The following PLEKHG1 variants were observed in gnomAD, a reference collection of about 807,000 sequenced individuals.
The protein encoded by PLEKHG1 is pleckstrin homology domain-containing family G member 1.
PLEKHG1 carries 44 observed loss-of-function variants against 100.8 expected under a neutral mutation model. That is an observed-to-expected ratio of 0.44 (90% CI 0.34 to 0.56). The LOEUF is 0.56. Among genes scored for constraint, PLEKHG1 ranks in the 20% least tolerant of loss-of-function variants. PLEKHG1 has a pLI of 0.01. For synonymous variants in PLEKHG1, 640 were observed against 662.5 expected (o/e 0.97, Z 0.52); for missense variants, 1,545 against 1,720.9 (o/e 0.90, Z 1.81).
At chr6:150,812,916 A>G (rs1190575479) in intron 10 of PLEKHG1, among the ~76,000 whole-genome samples, 1 of 152,152 alleles carries the variant, frequency 6.6e-6, no homozygotes, top group Non-Finnish European at 1.5e-5. Flanking sequence ...GGGGGAAGAC[A>G]AAGGGTTCGA....
intron 3 of PLEKHG1, among the ~76,000 whole-genome samples, chr6:150,770,132 G>A (rs1030103045): frequency 1.3e-5 from 2 of 152,128 alleles, no homozygotes; most frequent in African/African-American, 4.8e-5. Flanking sequence ...ATAAGCCTAC[G>A]ATGCTCTTGA....
At chr6:150,615,405 C>CTGTG (rs1263134957) in intron 1 of PLEKHG1, among the ~76,000 whole-genome samples, 1 of 152,192 alleles carries the variant, frequency 6.6e-6, no homozygotes, top group Non-Finnish European at 1.5e-5. Context: ...TCTGATATGT[C>CTGTG]TGTGGCCCTA....
At chr6:150,810,394 G>A (rs571585433) in intron 10 of PLEKHG1, among the ~76,000 whole-genome samples, 1 of 151,238 alleles carries the variant, frequency 6.6e-6, no homozygotes, top group East Asian at 2.0e-4. Flanking sequence ...GAGTAGCTGG[G>A]ACTACAGGTG....
At chr6:150,762,698 G>A (rs927250440) in intron 2 of PLEKHG1, among the ~76,000 whole-genome samples, 1 of 152,030 alleles carries the variant, frequency 6.6e-6, no homozygotes, top group African/African-American at 2.4e-5. Context: ...TGCAGTGGCC[G>A]GAGACCACCA....
intron 1 of PLEKHG1, among the ~76,000 whole-genome samples, chr6:150,725,452 C>T (rs6557090): frequency 0.2 from 30,895 of 152,098 alleles, 4,619 homozygotes; most frequent in African/African-American, 0.42. Flanking sequence ...TGTTCCTCTT[C>T]GTTCAACCCC....
At chr6:150,637,165 T>C (rs978660856) in intron 1 of PLEKHG1, among the ~76,000 whole-genome samples, 3 of 152,200 alleles carry the variant, frequency 2.0e-5, no homozygotes, top group African/African-American at 4.8e-5. Context: ...GTTTTTTGTT[T>C]TGTCTCTGAG....
At chr6:150,622,131 C>T (rs1777325516) in intron 1 of PLEKHG1, among the ~76,000 whole-genome samples, 1 of 152,026 alleles carries the variant, frequency 6.6e-6, no homozygotes, top group Non-Finnish European at 1.5e-5. Context: ...CGGAAGGGAG[C>T]AGAGAGCTGA....
intron 3 of PLEKHG1, among the ~76,000 whole-genome samples, chr6:150,661,730 T>TA (rs1175676155): frequency 1.3e-5 from 2 of 152,348 alleles, no homozygotes; most frequent in African/African-American, 4.8e-5. Context: ...GAGATACGCC[T>TA]ATTAGCTGTG....
At chr6:150,783,180 A>C (rs982644046) in intron 3 of PLEKHG1, among the ~76,000 whole-genome samples, 2 of 151,332 alleles carry the variant, frequency 1.3e-5, no homozygotes, top group African/African-American at 4.8e-5. Flanking sequence ...AAAAAAAAAA[A>C]AAAAAAGGGA....
intron 3 of PLEKHG1, among the ~76,000 whole-genome samples, chr6:150,703,017 A>G (rs1780861532): frequency 6.6e-6 from 1 of 152,178 alleles, no homozygotes; most frequent in African/African-American, 2.4e-5. Flanking sequence ...AAACCTCAGC[A>G]AGGCCTGTGT....
intron 3 of PLEKHG1, among the ~76,000 whole-genome samples, chr6:150,771,139 A>G (rs1040785249): frequency 6.6e-6 from 1 of 152,138 alleles, no homozygotes; most frequent in Non-Finnish European, 1.5e-5. Context: ...GAGGGTGGGC[A>G]TGGTAGCTTA....
intron 1 of PLEKHG1, among the ~76,000 whole-genome samples, chr6:150,721,939 C>T (rs1253464224): frequency 6.6e-6 from 1 of 152,178 alleles, no homozygotes; most frequent in Middle Eastern, 3.4e-3. Context: ...AGATATCTGA[C>T]ACCAATTGAC....
intron 3 of PLEKHG1, among the ~76,000 whole-genome samples, chr6:150,670,897 T>C (rs1779560350): frequency 7.0e-6 from 1 of 143,838 alleles, no homozygotes; most frequent in Non-Finnish European, 1.5e-5. Flanking sequence ...TTCCCCCAAG[T>C]CTCCAAAGTC....
chr6:150,780,541 G>A (rs1392153146), intron 3 of PLEKHG1, among the ~76,000 whole-genome samples: 1 of 151,870 alleles, frequency 6.6e-6, no homozygotes, highest in Non-Finnish European at 1.5e-5. Flanking sequence ...GCTCTCACAG[G>A]TGTAGCATTT....
chr6:150,746,396 T>C (rs1047524841), intron 2 of PLEKHG1, among the ~76,000 whole-genome samples: 10 of 152,218 alleles, frequency 6.6e-5, no homozygotes, highest in African/African-American at 2.4e-4. Flanking sequence ...TCACCGCTTC[T>C]TCCTCCCCTT....
intron 2 of PLEKHG1, among the ~76,000 whole-genome samples, chr6:150,764,971 T>C (rs1431620365): frequency 6.6e-6 from 1 of 152,018 alleles, no homozygotes; most frequent in Non-Finnish European, 1.5e-5. Flanking sequence ...ATTCTTATCC[T>C]GTAAAACAGC....
chr6:150,636,618 T>C (rs1420877330), intron 1 of PLEKHG1, among the ~76,000 whole-genome samples: 1 of 152,192 alleles, frequency 6.6e-6, no homozygotes, highest in Non-Finnish European at 1.5e-5. Context: ...ACCCTTGCTT[T>C]CATATCAGAG....
intron 2 of PLEKHG1, among the ~76,000 whole-genome samples, chr6:150,744,464 A>C (rs1583042975): frequency 6.6e-6 from 1 of 152,238 alleles, no homozygotes; most frequent in Non-Finnish European, 1.5e-5. Context: ...CAGTTAAAAA[A>C]AACAAATTAT....
chr6:150,799,003 A>C (rs1028653537), intron 5 of PLEKHG1, among the ~76,000 whole-genome samples: 6 of 152,064 alleles, frequency 3.9e-5, no homozygotes, highest in Admixed American at 3.9e-4. Flanking sequence ...GGCCTTCCAA[A>C]GTGCTGGGAT....
Sources: gnomAD v4.1 joint callset for allele counts (sites outside exome capture counted in the v4.1 genomes callset) on GRCh38, gnomAD v4.1.1 for gene constraint, MANE v1.5 for transcripts, NCBI Gene and HGNC (gene_info 2026-07-23, HGNC 2026-07-21) for gene names.